The following RIN2 variants were observed in gnomAD, a reference collection of about 807,000 sequenced individuals.
RIN2 encodes the protein Ras and Rab interactor 2.
A neutral mutation model predicts 78.0 loss-of-function variants in RIN2; 36 were observed. That is an observed-to-expected ratio of 0.46 (90% confidence interval 0.35 to 0.61). The LOEUF is 0.61. RIN2 is among the 20% of genes least tolerant of loss of function. The pLI is 0.00. For synonymous variants in RIN2, 466 were observed against 466.8 expected (o/e 1.00, Z 0.02); for missense variants, 1,087 against 1,159.7 (o/e 0.94, Z 0.91).
At chr20:19,852,255 G>A (rs1373072931) in intron 2 of RIN2, among the ~76,000 whole-genome samples, 1 of 152,168 alleles carries the variant, frequency 6.6e-6, no homozygotes, top group African/African-American at 2.4e-5. Flanking sequence ...AAGAATTGAA[G>A]GTGGGTAACA....
intron 4 of RIN2, among the ~76,000 whole-genome samples, chr20:19,938,301 C>G (rs1258175325): frequency 2.6e-5 from 4 of 152,172 alleles, no homozygotes; most frequent in Non-Finnish European, 5.9e-5. Flanking sequence ...TCACTGCAGC[C>G]TTGACCTCCT....
Position 19,987,403 on chromosome 20 carries a change from G to A in RIN2, c.1763-2603G>A, listed in dbSNP as rs748832056. ...GTTTGGATGAGAGGAATAAACTGGC[G>A]AGTATTTATAAAGTGACTTGAACTT... On this transcript the variant is annotated intron_variant, in intron 9 of 12. Coordinates refer to ENST00000255006, the MANE Select transcript of RIN2 (RefSeq NM_018993.4). Among the ~76,000 whole-genome samples, 5 of 152,148 alleles carry A rather than the reference G, an allele frequency of 3.3e-5. No individual in the cohort carries two copies. In the East Asian group the frequency reaches 5.8e-4, roughly 18 times the overall value.
At chr20:19,815,045 C>G (rs1359567277) in intron 2 of RIN2, among the ~76,000 whole-genome samples, 1 of 152,180 alleles carries the variant, frequency 6.6e-6, no homozygotes, top group African/African-American at 2.4e-5. Context: ...AAATTTGTAT[C>G]TGTGTGGATT....
At chr20:19,998,573 T>C (rs970300541) in intron 12 of RIN2, among the ~76,000 whole-genome samples, 4 of 152,140 alleles carry the variant, frequency 2.6e-5, no homozygotes, top group Non-Finnish European at 5.9e-5. Context: ...ATCACACCAC[T>C]GCACTCCAGC....
intron 2 of RIN2, among the ~76,000 whole-genome samples, chr20:19,855,720 C>G (rs1186037762): frequency 1.3e-5 from 2 of 152,106 alleles, no homozygotes; most frequent in Non-Finnish European, 2.9e-5. Flanking sequence ...CAAGAAAACA[C>G]CAACAAGAGA....
intron 4 of RIN2, among the ~76,000 whole-genome samples, chr20:19,951,416 G>A (rs1301593688): frequency 1.3e-5 from 2 of 152,170 alleles, no homozygotes; most frequent in African/African-American, 4.8e-5. Flanking sequence ...GAGCAGGAAA[G>A]ACACCTAGGT....
chr20:19,879,679 C>T (rs961419494), intron 2 of RIN2, among the ~76,000 whole-genome samples: 3 of 152,316 alleles, frequency 2.0e-5, no homozygotes, highest in Admixed American at 6.5e-5. Flanking sequence ...CACGTGTTTC[C>T]GTGGACTTTT....
intron 2 of RIN2, among the ~76,000 whole-genome samples, chr20:19,851,972 G>A (rs1359356538): frequency 2.0e-5 from 3 of 152,116 alleles, no homozygotes; most frequent in Non-Finnish European, 4.4e-5. Context: ...AACTAGGCTT[G>A]GCTGCAAGTC....
At chr20:19,849,572 G>A (rs531189397) in intron 2 of RIN2, among the ~76,000 whole-genome samples, 30 of 152,216 alleles carry the variant, frequency 2.0e-4, no homozygotes, top group Admixed American at 7.2e-4. Context: ...ATACAGCTGC[G>A]TTGACACAAA....
At chr20:19,765,868 G>A (rs892213765) in intron 1 of RIN2, among the ~76,000 whole-genome samples, 7 of 152,106 alleles carry the variant, frequency 4.6e-5, no homozygotes, top group Admixed American at 1.3e-4. Flanking sequence ...TCATCCTCAT[G>A]GATGGCAAGA....
In RIN2 at chr20:19,981,178, G is replaced by A. The variant is rs545608241; in HGVS notation, c.1762+5391G>A. The stretch of plus-strand genomic sequence containing the variant: ...AGCAAGGTCAAGCCAAGATGCAAGC[G>A]CGACTGACACGGTCCCTTGGCAGGC... On this transcript the variant is annotated intron_variant, in intron 9 of 12. Coordinates refer to ENST00000255006, the MANE Select transcript of RIN2 (RefSeq NM_018993.4). Among the ~76,000 whole-genome samples the A allele has an allele frequency of 1.4e-4, 22 of 152,296 alleles. No homozygotes were observed. The East Asian group carries it at 1.5e-3, about 11-fold the overall frequency.
intron 3 of RIN2, among the ~76,000 whole-genome samples, chr20:19,894,761 C>T (rs1234959626): frequency 6.6e-6 from 1 of 152,170 alleles, no homozygotes; most frequent in Non-Finnish European, 1.5e-5. Flanking sequence ...TTTAGGTTCT[C>T]ATTCTTTCAT....
At chr20:19,774,498 A>G (rs909663810) in intron 1 of RIN2, among the ~76,000 whole-genome samples, 2 of 152,258 alleles carry the variant, frequency 1.3e-5, no homozygotes, top group African/African-American at 2.4e-5. Context: ...ATCTTTAGTC[A>G]GAAAAAGCCA....
intron 1 of RIN2, among the ~76,000 whole-genome samples, chr20:19,759,349 C>T (rs6046301): frequency 0.022 from 3,347 of 152,154 alleles, 145 homozygotes; most frequent in African/African-American, 0.077. Flanking sequence ...AAGGAAACAT[C>T]AGAGTACTCT....
At chr20:19,888,118 A>G (rs1039527496) in intron 2 of RIN2, among the ~76,000 whole-genome samples, 1 of 152,218 alleles carries the variant, frequency 6.6e-6, no homozygotes, top group African/African-American at 2.4e-5. Context: ...TCATCCCAGC[A>G]GGATCACAAG....
At chr20:19,920,206 G>A (rs1215495741) in intron 3 of RIN2, among the ~76,000 whole-genome samples, 2 of 150,788 alleles carry the variant, frequency 1.3e-5, no homozygotes, top group African/African-American at 4.9e-5. Context: ...TGAGGCAGGA[G>A]AATGGCGTGA....
In RIN2 at chr20:19,824,799, G is replaced by A. The variant is rs1600543968; in HGVS notation, c.-37+25052G>A. 1.3e-5 allele frequency among the ~76,000 whole-genome samples: 2 copies of A among 152,138 alleles called. 1 individual carries two copies. Among genetic ancestry groups the A allele is most frequent in the Non-Finnish European group, 2.9e-5 (2 of 68,020 alleles). ...CTGAAGACATTAGTTACAGAAACTC[G>A]GTTAGGTCCCGCCGATGATCATTTC... is the stretch of plus-strand genomic sequence containing the variant. On this transcript the variant is annotated intron_variant, in intron 2 of 12. Transcript: ENST00000255006.
chr20:19,771,036 T>C (rs2122413618), intron 1 of RIN2, among the ~76,000 whole-genome samples: 1 of 152,320 alleles, frequency 6.6e-6, no homozygotes. Context: ...ATTGGATTAT[T>C]GTAAAGGATA....
intron 2 of RIN2, among the ~76,000 whole-genome samples, chr20:19,878,753 T>C (rs879902977): frequency 6.6e-6 from 1 of 152,142 alleles, no homozygotes; most frequent in Non-Finnish European, 1.5e-5. Context: ...ACTCAGACCA[T>C]CCATCCATGG....
Sources: gnomAD v4.1 joint callset for allele counts (sites outside exome capture counted in the v4.1 genomes callset) on GRCh38, gnomAD v4.1.1 for gene constraint, MANE v1.5 for transcripts, NCBI Gene and HGNC (gene_info 2026-07-23, HGNC 2026-07-21) for gene names.